Variants in CRACR2B observed in about 807,000 individuals in gnomAD.
CRACR2B encodes EF-hand calcium-binding domain-containing protein 4A.
CRACR2B carries 50 observed loss-of-function variants against 46.0 expected under a neutral mutation model. The ratio of observed to expected loss-of-function variants is 1.09; its 90% CI spans 0.87 to 1.38. The LOEUF (loss-of-function observed/expected upper bound fraction) is 1.38, where lower values mean the gene tolerates loss of function less well. CRACR2B is among the 40% of genes most tolerant of loss of function. The probability of loss-of-function intolerance (pLI) is 0.00; values close to 1 mark genes in which losing one functional copy is unlikely to be tolerated. For missense variants in CRACR2B, 667 were observed against 535.0 expected (o/e 1.25, Z -2.43); for synonymous variants, 277 against 239.6 (o/e 1.16, Z -1.44).
In CRACR2B at chr11:831,823, G is replaced by A. The variant is rs952190364; in HGVS notation, c.*114G>A. 17 of 1,308,404 alleles carry A rather than the reference G, an allele frequency of 1.3e-5. No individual in the cohort carries two copies. The South Asian group carries it at 1.8e-4, about 14-fold the overall frequency. The allele number at this position is 1,308,404 out of a possible 1,614,324, so 81.0% of individuals were successfully genotyped here. On this transcript the variant is annotated 3_prime_UTR_variant, in exon 9 of 9. Transcript: ENST00000525077. ...GCTCTCCCCAGTGGGCCCCAGGCTC[G>A]CCTGACTGAAGACATGAAGGACCTA... is the stretch of plus-strand genomic sequence containing the variant.
rs759661293 is a variant in CRACR2B, at chr11:828,745, G to C, written c.138G>C (p.Lys46Asn). ...ELFLLCDKEA[K>N]GFITKHDLQG... ...TTCTGCTGTGTGACAAGGAGGCTAA[G>C]GGCTTCATCACCAAGCACGACCTGC... Residue 46 changes from lysine (K) to asparagine (N), a missense_variant, in exon 1 of 9, where the codon AAG becomes AAC. Lys to Asn is a moderately conservative substitution (Grantham distance 94). Transcript: ENST00000525077. 6 of 1,613,662 alleles carry C rather than the reference G, an allele frequency of 3.7e-6. No homozygotes were observed. Among genetic ancestry groups the C allele is most frequent in the Non-Finnish European group, 5.1e-6 (6 of 1,179,928 alleles).
intron 3 of CRACR2B, chr11:829,749 G>A (rs1333202360): frequency 2.0e-6 from 2 of 1,004,108 alleles, no homozygotes; most frequent in South Asian, 1.7e-5. Context: ...GGGCTGCAGG[G>A]AGGAGGGGCA....
upstream of CRACR2B, chr11:827,780 T>C (rs1182361271): frequency 6.6e-6 from 1 of 151,732 alleles, no homozygotes; most frequent in African/African-American, 2.4e-5. Context: ...GGAAGGCGGG[T>C]GTTGGTGGGG....
In CRACR2B at chr11:831,669, C is replaced by G. The variant is rs1433792813; in HGVS notation, c.1160C>G (p.Pro387Arg). Residue 387 changes from proline (P) to arginine (R), a missense_variant, in exon 9 of 9, where the codon CCC becomes CGC. By Grantham distance (103) the Pro-to-Arg change is moderately radical. Transcript: ENST00000525077. ...TGCTGCTGCTGTTGCTGGGCTCGGCCCCCCAGACGCGGCTCTGGCCACCTT... is the reference window on the plus strand; with the variant it reads ...TGCTGCTGCTGTTGCTGGGCTCGGCGCCCCAGACGCGGCTCTGGCCACCTT... The part of the protein sequence containing the change: ...TCCCCCCWAR[P>R]PRRGSGHLPS... The G allele has an allele frequency of 2.0e-6, 3 of 1,530,898 alleles. No homozygotes were observed. Among genetic ancestry groups the G allele is most frequent in the East Asian group, 2.5e-5 (1 of 40,570 alleles). The allele number at this position is 1,530,898 out of a possible 1,614,324, so 94.8% of individuals were successfully genotyped here.
chr11:829,124 C>A (rs966385437), intron 2 of CRACR2B, 161 bp downstream of exon 2: 4 of 1,256,144 alleles, frequency 3.2e-6, no homozygotes, highest in Non-Finnish European at 4.5e-6. Context: ...CTCCTAGCTG[C>A]GGTGGAGTGT....
Position 829,232 on chromosome 11 carries a change from C to A in CRACR2B, c.278-128C>A, listed in dbSNP as rs1237990886. On this transcript the variant is annotated intron_variant, in intron 2 of 8. Transcript: ENST00000525077. ...ACCTCTTGTTTCCAGGCCAATAGGA[C>A]CAGAATAAGGAAGGAAAACAGGAAA... is the stretch of plus-strand genomic sequence containing the variant. The A allele has an allele frequency of 4.1e-6, 6 of 1,463,538 alleles. No individual in the cohort carries two copies. The South Asian group carries it at 8.2e-5, about 20-fold the overall frequency. The allele number at this position is 1,463,538 out of a possible 1,614,324, so 90.7% of individuals were successfully genotyped here. A position where few individuals can be genotyped will look rare whatever the true frequency, so the allele number is the denominator to read the frequency against.
In CRACR2B at chr11:830,898, G is replaced by A; in HGVS notation, c.819G>A (p.Glu273=). The A allele has an allele frequency of 2.0e-6, 3 of 1,530,778 alleles. No homozygotes were observed. The highest frequency in any genetic ancestry group is 2.6e-6 in the Non-Finnish European group (3 of 1,144,688). The allele number at this position is 1,530,778 out of a possible 1,614,324, so 94.8% of individuals were successfully genotyped here. A position where few individuals can be genotyped will look rare whatever the true frequency, so the allele number is the denominator to read the frequency against. The change falls in exon 7 of 9, where the codon GAG becomes GAA. Residue 273 remains glutamate (E), a synonymous_variant. Coordinates refer to ENST00000525077, the MANE Select transcript of CRACR2B (RefSeq NM_001286606.2). ...LEQQLHAQAA[E]HLEAQAQNSQ... The stretch of plus-strand genomic sequence containing the variant: ...AGCAGCTGCACGCCCAGGCTGCGGA[G>A]CACCTGGAGGCACAGGCCCAGAACT...
Position 830,007 on chromosome 11 carries a change from C to G in CRACR2B, c.480C>G (p.Leu160=). Residue 160 remains leucine (L), a synonymous_variant, in exon 4 of 9, where the codon CTC becomes CTG. Coordinates refer to ENST00000525077, the MANE Select transcript of CRACR2B (RefSeq NM_001286606.2). ...CCAGGCAGCGGGCTGTGAGGACGCTCTGGGCCAGGCTGCAGCGCGAGCGCC... is the reference window on the plus strand; with the variant it reads ...CCAGGCAGCGGGCTGTGAGGACGCTGTGGGCCAGGCTGCAGCGCGAGCGCC... ...VLGKQRAVRT[L]WARLQRERPE... 6.4e-7 allele frequency: 1 copy of G among 1,571,508 alleles called. No individual in the cohort carries two copies. Among genetic ancestry groups the G allele is most frequent in the Non-Finnish European group, 8.6e-7 (1 of 1,165,012 alleles).
upstream of CRACR2B, among the ~76,000 whole-genome samples, chr11:826,771 CCT>C (rs1436483779): frequency 4.6e-5 from 7 of 152,322 alleles, no homozygotes; most frequent in East Asian, 9.6e-4. Context: ...GTGATCTGCC[CCT>C]GTCTCAGCCC....
rs887835028 is a variant in CRACR2B, at chr11:830,967, G to C, written c.888G>C (p.Glu296Asp). 6.5e-7 allele frequency: 1 copy of C among 1,533,760 alleles called. No individual in the cohort carries two copies. The highest frequency in any genetic ancestry group is 1.4e-5 in the African/African-American group (1 of 73,112). The change falls in exon 7 of 9, where the codon GAG becomes GAC. Residue 296 changes from glutamate to aspartate, a missense_variant. Glu to Asp is a conservative substitution (Grantham distance 45). Transcript: ENST00000525077. ...ACGAGGCGCTGCGAACGCAGCTGGA[G>C]GGGGCGCAGGAGCAGATCCGCAGGC... ...RAHEALRTQL[E>D]GAQEQIRRLE...
Position 829,474 on chromosome 11 carries a change from A to C in CRACR2B, c.392A>C (p.Glu131Ala), listed in dbSNP as rs376592119. 1.7e-5 allele frequency: 27 copies of C among 1,607,826 alleles called. No individual in the cohort carries two copies. The highest frequency in any genetic ancestry group is 2.1e-5 in the Non-Finnish European group (25 of 1,178,230). Reference protein sequence around the residue: ...VQGTAGSLDEEEEEEERFHTV... With the variant: ...VQGTAGSLDEAEEEEERFHTV... ...GGCACGGCGGGCTCTCTGGATGAGGAGGAGGAAGAGGAGGAGCGATTCCAC... is the reference window on the plus strand; with the variant it reads ...GGCACGGCGGGCTCTCTGGATGAGGCGGAGGAAGAGGAGGAGCGATTCCAC... The change falls in exon 3 of 9, where the codon GAG becomes GCG. Residue 131 changes from glutamate to alanine, a missense_variant. Physicochemically the swap from Glu to Ala is moderately radical, Grantham distance 107. Coordinates refer to ENST00000525077, the MANE Select transcript of CRACR2B (RefSeq NM_001286606.2).
Position 829,449 on chromosome 11 carries a change from G to C in CRACR2B, c.367G>C (p.Gly123Arg). ...TGAGTCGGGCGGGCTCGACGTGCAG[G>C]GCACGGCGGGCTCTCTGGATGAGGA... ...TFESGGLDVQ[G>R]TAGSLDEEEE... Residue 123 changes from glycine to arginine, a missense_variant, in exon 3 of 9, where the codon GGC (glycine) becomes CGC (arginine). Coordinates refer to ENST00000525077, the MANE Select transcript of CRACR2B (RefSeq NM_001286606.2). 1.2e-6 allele frequency: 2 copies of C among 1,610,126 alleles called. No individual in the cohort carries two copies. The highest frequency in any genetic ancestry group is 2.2e-5 in the East Asian group (1 of 44,782).
At chr11:830,776 C>A in intron 6 of CRACR2B, 63 bp downstream of exon 6, 1 of 1,483,330 alleles carries the variant, frequency 6.7e-7, no homozygotes, top group Non-Finnish European at 8.9e-7. Flanking sequence ...TGTGCCTTAG[C>A]GTCCCCGGGT....
In CRACR2B at chr11:831,346, G is replaced by T. The variant is rs374292220; in HGVS notation, c.1025+51G>T. 80 of 1,551,616 alleles carry T rather than the reference G, an allele frequency of 5.2e-5. No individual in the cohort carries two copies. The African/African-American group carries it at 1.1e-3, about 21-fold the overall frequency. ...GGAATGGGCTCAGCGGAGCTTGGGG[G>T]CTCCCAGCTCCCCAACATTCTTGGC... On this transcript the variant is annotated intron_variant, in intron 8 of 8. Transcript: ENST00000525077.
In CRACR2B at chr11:830,522, C is replaced by T. The variant is rs866227045; in HGVS notation, c.694-99C>T. The T allele has an allele frequency of 1.9e-6, 3 of 1,542,040 alleles. No homozygotes were observed. In the South Asian group the frequency reaches 3.6e-5, roughly 18 times the overall value. On this transcript the variant is annotated intron_variant, in intron 5 of 8. Transcript: ENST00000525077. ...CCGTCCGGTCTTCTCCACCCGACCC[C>T]GCTCCGCCCGGGCCCACTCCCAGCC...
chr11:831,475 C>T (rs1234515673), intron 8 of CRACR2B, 60 bp from the exon 9 acceptor site: 7 of 1,514,570 alleles, frequency 4.6e-6, no homozygotes, highest in East Asian at 2.3e-5. Flanking sequence ...AGTCGGAGCT[C>T]ACCTCCCCCC....
intron 3 of CRACR2B, 95 bp from the exon 4 acceptor site, chr11:829,891 G>A: frequency 2.0e-6 from 3 of 1,468,980 alleles, no homozygotes; most frequent in Non-Finnish European, 2.7e-6. Context: ...GTCCTGCCCA[G>A]GGGCGAAGAA....
rs1015118397 is a variant in CRACR2B at position 830,689 on chromosome 11, A to G, written c.762A>G (p.Glu254=). Residue 254 remains glutamate (E), a synonymous_variant, in exon 6 of 9, where the codon GAA becomes GAG. Coordinates refer to ENST00000525077, the MANE Select transcript of CRACR2B (RefSeq NM_001286606.2). ...TGCAGAGCCGCGAGCAGGACCTGGA[A>G]CGCGCGGGCCTGCGGCAGCGGGAGG... The part of the protein sequence containing the change: ...LELQSREQDL[E]RAGLRQRELE... 6 of 1,542,438 alleles carry G rather than the reference A, an allele frequency of 3.9e-6. No homozygotes were observed. The African/African-American group carries it at 8.2e-5, about 21-fold the overall frequency.
chr11:830,307 T>C lies in CRACR2B; in HGVS notation c.663T>C (p.Leu221=). The C allele has an allele frequency of 6.5e-7, 1 of 1,534,192 alleles. No homozygotes were observed. Among genetic ancestry groups the C allele is most frequent in the Non-Finnish European group, 8.7e-7 (1 of 1,143,422 alleles). ...CTCTGTACGAGGAGACGGAGCAGCT[T>C]CGGGAGCAGAGCCGGCGCCCGCCGA... ...VRALYEETEQ[L]REQSRRPPSQ... The change falls in exon 5 of 9, where the codon CTT becomes CTC. Residue 221 remains leucine, a synonymous_variant. Transcript: ENST00000525077.
Sources: gnomAD v4.1 joint callset for allele counts (sites outside exome capture counted in the v4.1 genomes callset) on GRCh38, gnomAD v4.1.1 for gene constraint, MANE v1.5 for transcripts, NCBI Gene and HGNC (gene_info 2026-07-23, HGNC 2026-07-21) for gene names.